TMTC4: variants seen among roughly 807,000 people sequenced by gnomAD.
TMTC4 encodes the protein transmembrane O-mannosyltransferase targeting cadherins 4, also known as protein O-mannosyl-transferase TMTC4.
Under a neutral mutation model 86.0 loss-of-function variants are expected in TMTC4, and 65 were observed. That is an observed-to-expected ratio of 0.76 (90% CI 0.62 to 0.93). The LOEUF is 0.93. Ranked by LOEUF, TMTC4 falls within the 40% of genes least tolerant of loss-of-function variation. The pLI is 0.00. For synonymous variants in TMTC4, 379 were observed against 382.5 expected (o/e 0.99, Z 0.11); for missense variants, 866 against 948.1 (o/e 0.91, Z 1.14).
At chr13:100,651,611 G>A (rs1040164338) in intron 6 of TMTC4, among the ~76,000 whole-genome samples, 4 of 150,776 alleles carry the variant, frequency 2.7e-5, no homozygotes, top group African/African-American at 9.8e-5. Flanking sequence ...AACTCAAGCA[G>A]TTAAAAATCG....
At chr13:100,636,215 A>G (rs1219248803) in intron 10 of TMTC4, among the ~76,000 whole-genome samples, 1 of 152,192 alleles carries the variant, frequency 6.6e-6, no homozygotes, top group African/African-American at 2.4e-5. Flanking sequence ...ACACACATCA[A>G]TTACACTCTC....
rs1380239899 is a variant in TMTC4 at position 100,668,662 on chromosome 13, C to T, written c.136G>A (p.Gly46Arg). ...GCAAAACACACAATGGCAACCGATC[C>T]CACTACTAACTTAGCCCAGAATGGA... ...LPPFWAKLVV[G>R]SVAIVCFARS... Residue 46 changes from glycine (G) to arginine (R), a missense_variant, in exon 3 of 19, where the codon GGA (glycine) becomes AGA (arginine). Coordinates refer to ENST00000342624, the MANE Select transcript of TMTC4 (RefSeq NM_032813.5). 5.6e-6 allele frequency: 9 copies of T among 1,614,186 alleles called. No individual in the cohort carries two copies. Among genetic ancestry groups the T allele is most frequent in the Non-Finnish European group, 7.6e-6 (9 of 1,180,048 alleles).
chr13:100,643,998 A>C (rs1668005526), intron 6 of TMTC4, among the ~76,000 whole-genome samples: 1 of 152,044 alleles, frequency 6.6e-6, no homozygotes, highest in Non-Finnish European at 1.5e-5. Flanking sequence ...ATAGAAAAAT[A>C]CTTGTGAATA....
In TMTC4 at chr13:100,660,305, C is replaced by T. The variant is rs936166653; in HGVS notation, c.552+2659G>A. Reference sequence around the variant, plus strand: ...AAGATTGTGCCACCGCACTCCAGCCCAGGTGACAGAGTGAGACTGTGTATC... The same window carrying T: ...AAGATTGTGCCACCGCACTCCAGCCTAGGTGACAGAGTGAGACTGTGTATC... On this transcript the variant is annotated intron_variant, in intron 5 of 18. Coordinates refer to ENST00000342624, the MANE Select transcript of TMTC4 (RefSeq NM_032813.5). 6.9e-5 allele frequency among the ~76,000 whole-genome samples: 10 copies of T among 145,498 alleles called. 1 individual carries two copies. The South Asian group carries it at 1.1e-3, about 16-fold the overall frequency.
At chr13:100,662,914 T>A (rs1885950065) in intron 5 of TMTC4, 50 bp downstream of exon 5, 1 of 1,595,614 alleles carries the variant, frequency 6.3e-7, no homozygotes, top group East Asian at 2.2e-5. Context: ...CATGGGGGTG[T>A]CATATCGCTT....
intron 15 of TMTC4, among the ~76,000 whole-genome samples, chr13:100,618,916 G>A (rs1437171234): frequency 2.0e-5 from 3 of 152,288 alleles, no homozygotes; most frequent in Admixed American, 1.3e-4. Flanking sequence ...GCAACCATCC[G>A]ATTTCTCAAT....
chr13:100,613,767 T>C (rs1594234390), intron 16 of TMTC4, among the ~76,000 whole-genome samples: 2 of 138,122 alleles, frequency 1.4e-5, no homozygotes, highest in Non-Finnish European at 3.1e-5. Flanking sequence ...TTCCCTCCCT[T>C]CCCTCCCTCC....
In TMTC4 at chr13:100,668,624, A is replaced by G; in HGVS notation, c.174T>C (p.Asp58=). The G allele has an allele frequency of 3.7e-6, 6 of 1,614,214 alleles. No individual in the cohort carries two copies. Among genetic ancestry groups the G allele is most frequent in the Non-Finnish European group, 5.1e-6 (6 of 1,180,036 alleles). Residue 58 remains aspartate (D), a synonymous_variant, in exon 3 of 19, where the codon GAT becomes GAC. Coordinates refer to ENST00000342624, the MANE Select transcript of TMTC4 (RefSeq NM_032813.5). ...VAIVCFARSY[D]GDFVFDDSEA... ...CTGAGTCATCAAAGACAAAGTCTCCATCATAGCTGCGTGCAAAACACACAA... is the reference window on the plus strand; with the variant it reads ...CTGAGTCATCAAAGACAAAGTCTCCGTCATAGCTGCGTGCAAAACACACAA...
rs1049931879 is a variant in TMTC4, at chr13:100,604,288, A to C, written c.*706T>G. The C allele has an allele frequency of 6.6e-6, 1 of 152,654 alleles. No individual in the cohort carries two copies. Among genetic ancestry groups the C allele is most frequent in the African/African-American group, 2.4e-5 (1 of 41,456 alleles). The allele number at this position is 152,654 out of a possible 1,614,324, so 9.5% of individuals were successfully genotyped here. On this transcript the variant is annotated 3_prime_UTR_variant, in exon 19 of 19. Transcript: ENST00000342624. ...TGCCTAAAGCATGGCTTGAACTTTCAATTGATAGTAACCGCTTATGTAAAA... is the reference window on the plus strand; with the variant it reads ...TGCCTAAAGCATGGCTTGAACTTTCCATTGATAGTAACCGCTTATGTAAAA...
chr13:100,634,654 TA>T (rs965000910), intron 12 of TMTC4, 150 bp downstream of exon 12: 38 of 1,004,572 alleles, frequency 3.8e-5, no homozygotes, highest in Admixed American at 2.0e-4. Context: ...TCAAAATCAT[TA>T]AAAAAAACCA....
intron 6 of TMTC4, among the ~76,000 whole-genome samples, chr13:100,645,484 T>C (rs767325590): frequency 5.9e-5 from 9 of 152,190 alleles, no homozygotes; most frequent in Non-Finnish European, 1.0e-4. Context: ...ACTGCCCCTG[T>C]GAGCAGGTGA....
At chr13:100,631,682 C>T (rs1206822119) in intron 12 of TMTC4, among the ~76,000 whole-genome samples, 1 of 152,084 alleles carries the variant, frequency 6.6e-6, no homozygotes, top group Non-Finnish European at 1.5e-5. Flanking sequence ...ACACATCTGG[C>T]CCTAAATTAG....
chr13:100,635,660 A>G (rs1882117265), intron 10 of TMTC4: 1 of 153,252 alleles, frequency 6.5e-6, no homozygotes, highest in African/African-American at 2.4e-5. Flanking sequence ...AGTTTATGAA[A>G]TTTGAAATAA....
intron 12 of TMTC4, among the ~76,000 whole-genome samples, chr13:100,628,100 A>ACCAG (rs1880816466): frequency 6.6e-6 from 1 of 152,158 alleles, no homozygotes; most frequent in South Asian, 2.1e-4. Flanking sequence ...GTGATGGGTG[A>ACCAG]CCAGCCTTGT....
chr13:100,641,485 C>CT (rs1172117306), intron 7 of TMTC4, among the ~76,000 whole-genome samples: 104 of 145,964 alleles, frequency 7.1e-4, no homozygotes, highest in Middle Eastern at 3.5e-3. Flanking sequence ...TTCCTTCTTT[C>CT]TTTTTTTTTT....
intron 6 of TMTC4, among the ~76,000 whole-genome samples, chr13:100,655,016 AT>A (rs35965658): frequency 0.24 from 28,160 of 117,540 alleles, 1,926 homozygotes; most frequent in East Asian, 0.34. Context: ...CACAACGCCT[AT>A]TTTTTTTTTT....
chr13:100,617,503 T>G (rs1020390719), intron 15 of TMTC4, among the ~76,000 whole-genome samples: 1 of 152,208 alleles, frequency 6.6e-6, no homozygotes, highest in Non-Finnish European at 1.5e-5. Context: ...TTAATGTTTG[T>G]GTTTTGTGAA....
Position 100,670,427 on chromosome 13 carries a change from A to G in TMTC4, c.-65T>C. 2 of 1,546,764 alleles carry G rather than the reference A, an allele frequency of 1.3e-6. No individual in the cohort carries two copies. Among genetic ancestry groups the G allele is most frequent in the Non-Finnish European group, 1.8e-6 (2 of 1,139,964 alleles). On this transcript the variant is annotated 5_prime_UTR_variant, in exon 2 of 19. Transcript: ENST00000342624. ...GCTCAGATTTACAATCCAGAGATGAAACAGGCCGCAACTCTTCCACTGCTT... is the reference window on the plus strand; with the variant it reads ...GCTCAGATTTACAATCCAGAGATGAGACAGGCCGCAACTCTTCCACTGCTT...
intron 12 of TMTC4, among the ~76,000 whole-genome samples, chr13:100,628,206 C>T (rs1433737137): frequency 6.6e-6 from 1 of 152,200 alleles, no homozygotes; most frequent in Non-Finnish European, 1.5e-5. Flanking sequence ...TACCCATTCT[C>T]ACCTCCACCA....
Sources: gnomAD v4.1 joint callset for allele counts (sites outside exome capture counted in the v4.1 genomes callset) on GRCh38, gnomAD v4.1.1 for gene constraint, MANE v1.5 for transcripts, NCBI Gene and HGNC (gene_info 2026-07-23, HGNC 2026-07-21) for gene names.